Variants in XKR9 observed in about 807,000 individuals in gnomAD.
The protein encoded by XKR9 is XK related 9.
Under a neutral mutation model 32.0 loss-of-function variants are expected in XKR9, and 32 were observed. The ratio of observed to expected loss-of-function variants is 1.00; its 90% CI spans 0.76 to 1.34. The LOEUF (loss-of-function observed/expected upper bound fraction) is 1.34. Among genes scored for constraint, XKR9 ranks in the 40% most tolerant of loss-of-function variants. The probability of loss-of-function intolerance (pLI) is 0.00; values close to 1 mark genes in which losing one functional copy is unlikely to be tolerated. For synonymous variants in XKR9, 168 were observed against 143.4 expected (o/e 1.17, Z -1.22); for missense variants, 546 against 429.7 (o/e 1.27, Z -2.39).
downstream of XKR9, among the ~76,000 whole-genome samples, chr8:70,792,109 A>G (rs774893881): frequency 9.2e-5 from 14 of 152,136 alleles, no homozygotes; most frequent in South Asian, 2.1e-4. Flanking sequence ...TTTGCAATTT[A>G]GAGATAAAGG....
chr8:70,842,549 C>G, the XKR9 span, among the ~76,000 whole-genome samples: 1 of 37,208 alleles, frequency 2.7e-5, no homozygotes, highest in Admixed American at 1.9e-4. Context: ...TCATTATTTA[C>G]ACACACACAC....
At chr8:70,899,346 TGAGAAAACAA>T in the XKR9 span, among the ~76,000 whole-genome samples, 1 of 152,098 alleles carries the variant, frequency 6.6e-6, no homozygotes, top group Admixed American at 6.6e-5. Flanking sequence ...GTGACTTTAA[TGAGAAAACAA>T]GAGAAATTGA....
At chr8:70,801,229 T>A in the XKR9 span, among the ~76,000 whole-genome samples, 1 of 152,156 alleles carries the variant, frequency 6.6e-6, no homozygotes, top group Non-Finnish European at 1.5e-5. Flanking sequence ...CCTCTTGTTT[T>A]TCTAGTTCCT....
At chr8:70,820,348 A>G in the XKR9 span, among the ~76,000 whole-genome samples, 6 of 152,196 alleles carry the variant, frequency 3.9e-5, no homozygotes, top group Admixed American at 2.0e-4. Flanking sequence ...ATTTATAAAG[A>G]AAAGGGGTTT....
intron 2 of XKR9, among the ~76,000 whole-genome samples, chr8:70,765,585 CT>C (rs1166362889): frequency 2.6e-5 from 4 of 152,136 alleles, no homozygotes; most frequent in Non-Finnish European, 4.4e-5. Context: ...ACTCTGCTTT[CT>C]TTTGCTGTGT....
the XKR9 span, among the ~76,000 whole-genome samples, chr8:70,917,443 A>C: frequency 1.3e-5 from 2 of 151,370 alleles, no homozygotes; most frequent in Non-Finnish European, 2.9e-5. Flanking sequence ...GAGCATATTA[A>C]TGGTTCCCAA....
chr8:70,935,337 A>G, the XKR9 span, among the ~76,000 whole-genome samples: 1 of 151,778 alleles, frequency 6.6e-6, no homozygotes, highest in Non-Finnish European at 1.5e-5. Flanking sequence ...TGTTACTATT[A>G]AACACTGAAC....
At chr8:70,841,036 C>G in the XKR9 span, among the ~76,000 whole-genome samples, 4 of 152,206 alleles carry the variant, frequency 2.6e-5, no homozygotes, top group South Asian at 8.3e-4. Flanking sequence ...ACAAAAATTA[C>G]TTGGAGCATT....
chr8:70,698,191 C>T (rs1417428993), intron 3 of XKR9, among the ~76,000 whole-genome samples: 3 of 151,822 alleles, frequency 2.0e-5, no homozygotes, highest in African/African-American at 7.2e-5. Flanking sequence ...TCCTTCAGTT[C>T]TGCTCTGATT....
intron 4 of XKR9, among the ~76,000 whole-genome samples, chr8:70,722,240 C>G (rs1303735218): frequency 6.6e-6 from 1 of 151,906 alleles, no homozygotes. Flanking sequence ...TGGGTCTTGA[C>G]TTTTTATCCA....
chr8:70,879,237 A>T, the XKR9 span, among the ~76,000 whole-genome samples: 1 of 152,206 alleles, frequency 6.6e-6, no homozygotes, highest in Non-Finnish European at 1.5e-5. Flanking sequence ...TAATATCATA[A>T]TTAAAAGAAC....
rs1806720697 is a variant in XKR9 at position 70,732,932 on chromosome 8, A to C, written c.494-864A>C. On this transcript the variant is annotated intron_variant, in intron 4 of 4. Coordinates refer to ENST00000408926, the MANE Select transcript of XKR9 (RefSeq NM_001011720.2). ...CAGGAGTTTGAGACCAGCCTCGCCA[A>C]CATGGTGAAACTCCATCTGTACTAA... 3.3e-5 allele frequency among the ~76,000 whole-genome samples: 5 copies of C among 152,322 alleles called. No individual in the cohort carries two copies. The South Asian group carries it at 8.3e-4, about 25-fold the overall frequency.
chr8:70,686,933 C>A (rs576345642), intron 3 of XKR9, among the ~76,000 whole-genome samples: 2 of 151,984 alleles, frequency 1.3e-5, no homozygotes, highest in Non-Finnish European at 2.9e-5. Context: ...TTTATCACCT[C>A]AAGTATTTAT....
At chr8:70,809,029 A>G in the XKR9 span, among the ~76,000 whole-genome samples, 1 of 152,212 alleles carries the variant, frequency 6.6e-6, no homozygotes, top group Non-Finnish European at 1.5e-5. Flanking sequence ...GAGTAGCCTA[A>G]CTGGTAGGCA....
the XKR9 span, among the ~76,000 whole-genome samples, chr8:70,849,574 A>G: frequency 6.6e-6 from 1 of 152,226 alleles, no homozygotes; most frequent in Admixed American, 6.5e-5. Context: ...GCAAGTGCAA[A>G]CAAATTGAAA....
At chr8:71,051,960 G>A in the XKR9 span, among the ~76,000 whole-genome samples, 4 of 152,186 alleles carry the variant, frequency 2.6e-5, no homozygotes, top group African/African-American at 9.7e-5. Flanking sequence ...TCTATGAGGA[G>A]ACAGTGGCAA....
the XKR9 span, among the ~76,000 whole-genome samples, chr8:71,029,929 C>A: frequency 6.6e-6 from 1 of 151,782 alleles, no homozygotes; most frequent in Non-Finnish European, 1.5e-5. Context: ...CTCTCTGCAA[C>A]CTCATAGTAG....
chr8:70,788,486 C>T (rs1276986482), intron 2 of XKR9, among the ~76,000 whole-genome samples: 1 of 151,948 alleles, frequency 6.6e-6, no homozygotes, highest in Non-Finnish European at 1.5e-5. Flanking sequence ...AATTTTTACA[C>T]TGAATCATTG....
the XKR9 span, among the ~76,000 whole-genome samples, chr8:70,800,979 A>G: frequency 1.8e-4 from 27 of 149,020 alleles, no homozygotes; most frequent in Admixed American, 1.6e-3. Flanking sequence ...TGAGGTCTCT[A>G]AGGTTTTTTT....
Sources: gnomAD v4.1 joint callset for allele counts (sites outside exome capture counted in the v4.1 genomes callset) on GRCh38, gnomAD v4.1.1 for gene constraint, MANE v1.5 for transcripts, NCBI Gene and HGNC (gene_info 2026-07-23, HGNC 2026-07-21) for gene names.